The following FRMD4B variants were observed in gnomAD, a reference collection of about 807,000 sequenced individuals.
FRMD4B encodes the protein FERM domain-containing protein 4B.
FRMD4B carries 74 observed loss-of-function variants against 141.5 expected under a neutral mutation model. The ratio of observed to expected loss-of-function variants is 0.52; its 90% CI spans 0.43 to 0.63. FRMD4B has a LOEUF of 0.63. FRMD4B is among the 30% of genes least tolerant of loss of function. The pLI, the probability that FRMD4B is intolerant of heterozygous loss-of-function variation, is 0.00. For synonymous variants in FRMD4B, 506 were observed against 467.9 expected, an observed-to-expected ratio of 1.08 and a Z score of -1.05; for missense variants, 1,366 against 1,253.4, an observed-to-expected ratio of 1.09 and a Z score of -1.36.
At chr3:69,254,012 C>T (rs149625316) in intron 5 of FRMD4B, among the ~76,000 whole-genome samples, 1 of 152,084 alleles carries the variant, frequency 6.6e-6, no homozygotes, top group Non-Finnish European at 1.5e-5. Context: ...CCTGGGATGT[C>T]GAAGCTGCAG....
chr3:69,541,624 T>A (rs1398392566), intron 1 of FRMD4B, among the ~76,000 whole-genome samples: 1 of 152,162 alleles, frequency 6.6e-6, no homozygotes, highest in Non-Finnish European at 1.5e-5. Context: ...ATTATATTTA[T>A]TTTTTCCTCC....
At chr3:69,457,554 C>G (rs1323695283) in intron 1 of FRMD4B, among the ~76,000 whole-genome samples, 1 of 152,168 alleles carries the variant, frequency 6.6e-6, no homozygotes, top group Non-Finnish European at 1.5e-5. Context: ...CTGCACTCCA[C>G]TAAAATGGTA....
intron 11 of FRMD4B, among the ~76,000 whole-genome samples, chr3:69,207,929 G>A (rs541524495): frequency 2.0e-5 from 3 of 152,190 alleles, no homozygotes; most frequent in Non-Finnish European, 4.4e-5. Flanking sequence ...AGCTACAGTG[G>A]TGTGCAGTGG....
At chr3:69,229,175 G>A (rs2107776947) in intron 7 of FRMD4B, among the ~76,000 whole-genome samples, 1 of 152,030 alleles carries the variant, frequency 6.6e-6, no homozygotes, top group East Asian at 1.9e-4. Flanking sequence ...ACAGCTGCGT[G>A]CCACCATGTC....
chr3:69,419,782 C>T (rs55705926), intron 2 of FRMD4B, among the ~76,000 whole-genome samples: 41,046 of 152,082 alleles, frequency 0.27, 5,975 homozygotes, highest in East Asian at 0.44. Flanking sequence ...AATGGAAGTT[C>T]CTATGCAGCA....
intron 2 of FRMD4B, among the ~76,000 whole-genome samples, chr3:69,425,231 A>G (rs1322273117): frequency 1.3e-5 from 2 of 152,218 alleles, no homozygotes; most frequent in African/African-American, 4.8e-5. Flanking sequence ...TCAACACTGC[A>G]TTGGCCAGAA....
Position 69,496,897 on chromosome 3 carries a change from G to GTT in FRMD4B, c.-129+45307_-129+45308dup, listed in dbSNP as rs35533037. ...AGTTACATCTCTATTTGCTATGGTA[G>GTT]TTTTTTTTTTATTATTATCAATTGT... On this transcript the variant is annotated intron_variant, in intron 1 of 5. Coordinates refer to the FRMD4B transcript ENST00000459638. 2.2e-3 allele frequency among the ~76,000 whole-genome samples: 334 copies of GTT among 149,504 alleles called. 2 individuals are homozygous for GTT. Among genetic ancestry groups the GTT allele is most frequent in the African/African-American group, 6.8e-3 (276 of 40,690 alleles).
At chr3:69,202,473 G>A (rs1249341576) in intron 11 of FRMD4B, among the ~76,000 whole-genome samples, 21 of 134,804 alleles carry the variant, frequency 1.6e-4, no homozygotes, top group Non-Finnish European at 2.0e-4. Context: ...TTCACTATTA[G>A]AGACTTAAAA....
intron 1 of FRMD4B, among the ~76,000 whole-genome samples, chr3:69,470,164 A>G (rs943663030): frequency 1.3e-5 from 2 of 152,226 alleles, no homozygotes; most frequent in African/African-American, 4.8e-5. Context: ...AGTGCAGCCA[A>G]AGAGGTTTCT....
intron 7 of FRMD4B, among the ~76,000 whole-genome samples, chr3:69,233,792 G>A (rs777104964): frequency 3.3e-5 from 5 of 152,144 alleles, no homozygotes; most frequent in African/African-American, 1.2e-4. Flanking sequence ...ATTAGGAATG[G>A]AGCTAATTGG....
chr3:69,444,030 T>A (rs1379381225), intron 1 of FRMD4B, among the ~76,000 whole-genome samples: 1 of 152,204 alleles, frequency 6.6e-6, no homozygotes, highest in Non-Finnish European at 1.5e-5. Flanking sequence ...TACCAGGGAC[T>A]CAGCTGGACC....
chr3:69,367,756 T>C (rs1037813188), intron 1 of FRMD4B, among the ~76,000 whole-genome samples: 3 of 152,238 alleles, frequency 2.0e-5, no homozygotes, highest in Middle Eastern at 6.3e-3. Context: ...ATTTGAAATA[T>C]GAAAATATGA....
intron 1 of FRMD4B, among the ~76,000 whole-genome samples, chr3:69,332,132 C>G (rs1702390076): frequency 6.6e-6 from 1 of 152,218 alleles, no homozygotes; most frequent in East Asian, 1.9e-4. Flanking sequence ...TTGATACAGA[C>G]TCCTTCAGGA....
chr3:69,234,451 G>A (rs1307159082), intron 7 of FRMD4B, among the ~76,000 whole-genome samples: 1 of 152,150 alleles, frequency 6.6e-6, no homozygotes, highest in Non-Finnish European at 1.5e-5. Flanking sequence ...AGACCTGGGT[G>A]ATTAGCAGTT....
chr3:69,302,966 T>C (rs906382595), intron 3 of FRMD4B, among the ~76,000 whole-genome samples: 2 of 151,972 alleles, frequency 1.3e-5, no homozygotes, highest in African/African-American at 4.8e-5. Flanking sequence ...CCCAGCTACC[T>C]GGGAGGCTGA....
At chr3:69,532,973 T>C (rs1042825217) in intron 1 of FRMD4B, among the ~76,000 whole-genome samples, 1 of 152,240 alleles carries the variant, frequency 6.6e-6, no homozygotes, top group African/African-American at 2.4e-5. Context: ...CCAATAACTG[T>C]CTGTCTAGGC....
intron 3 of FRMD4B, among the ~76,000 whole-genome samples, chr3:69,307,101 C>G (rs1017399370): frequency 6.6e-6 from 1 of 152,052 alleles, no homozygotes; most frequent in African/African-American, 2.4e-5. Context: ...GACACCTCCC[C>G]AAACTGGTCA....
intron 1 of FRMD4B, among the ~76,000 whole-genome samples, chr3:69,487,592 C>A (rs183592415): frequency 6.6e-6 from 1 of 152,288 alleles, no homozygotes; most frequent in Non-Finnish European, 1.5e-5. Flanking sequence ...ATGGATAAAT[C>A]CACAGGACTC....
intron 1 of FRMD4B, among the ~76,000 whole-genome samples, chr3:69,480,362 T>C (rs1374723068): frequency 6.6e-6 from 1 of 152,156 alleles, no homozygotes; most frequent in East Asian, 1.9e-4. Context: ...TCTTTGAAGA[T>C]GGTGATGTTC....
Sources: gnomAD v4.1 joint callset for allele counts (sites outside exome capture counted in the v4.1 genomes callset) on GRCh38, gnomAD v4.1.1 for gene constraint, MANE v1.5 for transcripts, NCBI Gene and HGNC (gene_info 2026-07-23, HGNC 2026-07-21) for gene names.